Variants in GPM6B observed in about 807,000 individuals in gnomAD.
The protein encoded by GPM6B is glycoprotein M6B, also known as neuronal membrane glycoprotein M6-b.
A neutral mutation model predicts 27.2 loss-of-function variants in GPM6B; 4 were observed. That is an observed-to-expected ratio of 0.15 (90% CI 0.07 to 0.34). The LOEUF is 0.34. Ranked by LOEUF, GPM6B falls within the 10% of genes least tolerant of loss-of-function variation. The probability of loss-of-function intolerance (pLI) is 1.00; values close to 1 mark genes in which losing one functional copy is unlikely to be tolerated. For synonymous variants in GPM6B, 124 were observed against 103.1 expected (o/e 1.20, Z -1.23); for missense variants, 183 against 261.9 (o/e 0.70, Z 2.08).
At chrX:13,922,131 G>A (rs931210983) in intron 1 of GPM6B, among the ~76,000 whole-genome samples, 7 of 111,107 alleles carry the variant, frequency 6.3e-5, no homozygotes, top group African/African-American at 1.3e-4. Flanking sequence ...GTAGAGTCCC[G>A]CTTTCTACCT....
At chrX:13,804,566 G>A (rs957967458) in intron 2 of GPM6B, among the ~76,000 whole-genome samples, 2 of 110,910 alleles carry the variant, frequency 1.8e-5, no homozygotes, top group Admixed American at 1.9e-4. Flanking sequence ...AACCCCTAAA[G>A]ATGGAATTCT....
At chrX:13,781,695 G>C (rs1436134855) in intron 4 of GPM6B, among the ~76,000 whole-genome samples, 1 of 111,465 alleles carries the variant, frequency 9.0e-6, no homozygotes, top group African/African-American at 3.3e-5. Context: ...TCCCTGCTTC[G>C]AGTTGTCCCC....
intron 1 of GPM6B, among the ~76,000 whole-genome samples, chrX:13,898,947 T>C (rs2050256566): frequency 8.9e-6 from 1 of 111,795 alleles, no homozygotes; most frequent in Admixed American, 9.5e-5. Flanking sequence ...CGGATCTACA[T>C]ATTAAAAATA....
At chrX:13,773,952 C>CTT (rs1400781415) in intron 7 of GPM6B, 3 of 563,687 alleles carry the variant, frequency 5.3e-6, no homozygotes, top group African/African-American at 3.4e-5. Flanking sequence ...ACATATAAAT[C>CTT]CTTTTTTTTT....
intron 1 of GPM6B, among the ~76,000 whole-genome samples, chrX:13,905,818 G>C (rs1171749318): frequency 9.0e-6 from 1 of 110,506 alleles, no homozygotes; most frequent in Non-Finnish European, 1.9e-5. Flanking sequence ...ACCCCTATTT[G>C]ATCTTGGATG....
intron 1 of GPM6B, among the ~76,000 whole-genome samples, chrX:13,810,737 C>G (rs2049114748): frequency 1.1e-5 from 1 of 93,111 alleles, no homozygotes; most frequent in Non-Finnish European, 2.1e-5. Context: ...ACCCTTAATT[C>G]AGGATTTAAA....
intron 1 of GPM6B, among the ~76,000 whole-genome samples, chrX:13,937,660 C>T (rs1921905207): frequency 9.0e-6 from 1 of 111,667 alleles, no homozygotes; most frequent in Non-Finnish European, 1.9e-5. Context: ...GCACTCTTTA[C>T]GAGTTTTCCT....
chrX:13,844,986 C>CTTTTTT (rs200629548), intron 1 of GPM6B, among the ~76,000 whole-genome samples: 2 of 98,230 alleles, frequency 2.0e-5, no homozygotes, highest in African/African-American at 3.8e-5. Flanking sequence ...AACGTTTTTT[C>CTTTTTT]TTTTTCTTTT....
rs143993041 is a variant in GPM6B at position 13,822,804 on chromosome X, G to C, written c.-197-36996C>G. On this transcript the variant is annotated intron_variant, in intron 1 of 6. Transcript: ENST00000398361. ...ATACAGCAAGAATTCTTAAATAGTA[G>C]ACAGAAAAGATACTTTTTATATAAA... is the stretch of plus-strand genomic sequence containing the variant. Among the ~76,000 whole-genome samples the C allele has an allele frequency of 9.0e-3, 1,000 of 111,623 alleles. 10 individuals are homozygous for C. Among genetic ancestry groups the C allele is most frequent in the African/African-American group, 0.031 (946 of 30,776 alleles).
At chrX:13,928,169 T>G (rs1258290949) in intron 1 of GPM6B, among the ~76,000 whole-genome samples, 2 of 111,977 alleles carry the variant, frequency 1.8e-5, no homozygotes, top group Non-Finnish European at 3.8e-5. Context: ...TGACAGAAAT[T>G]AGGGGTGATT....
At chrX:13,795,021 A>G (rs898055043) in intron 2 of GPM6B, among the ~76,000 whole-genome samples, 1 of 112,440 alleles carries the variant, frequency 8.9e-6, no homozygotes, top group African/African-American at 3.2e-5. Context: ...AAAGAAAACA[A>G]CTGATAGTAT....
At chrX:13,773,743 T>C (rs902102082) in intron 7 of GPM6B, 4 of 112,739 alleles carry the variant, frequency 3.5e-5, no homozygotes, top group Non-Finnish European at 7.4e-5. Context: ...AAGTTCCTTA[T>C]AGTTCATACT....
At chrX:13,836,556 G>A (rs1238023774) in intron 1 of GPM6B, among the ~76,000 whole-genome samples, 1 of 112,278 alleles carries the variant, frequency 8.9e-6, no homozygotes, top group African/African-American at 3.2e-5. Flanking sequence ...AAGATGCTAT[G>A]TTTATTTATT....
At chrX:13,915,151 C>T (rs1345728898) in intron 1 of GPM6B, among the ~76,000 whole-genome samples, 2 of 109,528 alleles carry the variant, frequency 1.8e-5, no homozygotes, top group Non-Finnish European at 3.8e-5. Flanking sequence ...CCCTGTAGTT[C>T]CAGCTACTTG....
rs148265383 is a variant in GPM6B, at chrX:13,824,276, C to T, written c.-197-38468G>A. Among the ~76,000 whole-genome samples, 457 of 112,419 alleles carry T rather than the reference C, an allele frequency of 4.1e-3. 4 individuals are homozygous for T. The highest frequency in any genetic ancestry group is 0.014 in the African/African-American group (437 of 30,939). On this transcript the variant is annotated intron_variant, in intron 1 of 6. Transcript: ENST00000398361. The stretch of plus-strand genomic sequence containing the variant: ...CCAGTTGAGAACCATTGCCTTAGAG[C>T]TATCTTTTCTTCCGTAAGCTTTGTC...
chrX:13,912,927 A>G (rs904089967), intron 1 of GPM6B, among the ~76,000 whole-genome samples: 1 of 112,523 alleles, frequency 8.9e-6, no homozygotes, highest in Admixed American at 9.4e-5. Context: ...TCCACTTGAC[A>G]TCTGCAAAAT....
intron 1 of GPM6B, among the ~76,000 whole-genome samples, chrX:13,828,615 GTTCCT>G (rs2049404208): frequency 8.9e-6 from 1 of 111,918 alleles, no homozygotes; most frequent in African/African-American, 3.3e-5. Context: ...TACTTGGCGA[GTTCCT>G]TTCAAGTGGT....
intron 1 of GPM6B, among the ~76,000 whole-genome samples, chrX:13,909,120 CT>C (rs368081524): frequency 0.056 from 3,910 of 69,481 alleles, 84 homozygotes; most frequent in East Asian, 0.17. Context: ...TGTTCATATC[CT>C]TTTTTTTTTT....
upstream of GPM6B, among the ~76,000 whole-genome samples, chrX:13,821,672 C>G (rs779711641): frequency 8.9e-6 from 1 of 111,969 alleles, no homozygotes; most frequent in Non-Finnish European, 1.9e-5. Flanking sequence ...TCTCGGCTCA[C>G]TGCAACCTCC....
Sources: allele counts gnomAD v4.1 joint callset (sites outside exome capture counted in the v4.1 genomes callset), GRCh38; gene constraint gnomAD v4.1.1; transcripts MANE v1.5; gene names NCBI Gene and HGNC (gene_info 2026-07-23, HGNC 2026-07-21).